VWA5B1: variants seen among roughly 807,000 people sequenced by gnomAD.
The protein encoded by VWA5B1 is von Willebrand factor A domain-containing protein 5B1.
Under a neutral mutation model 118.2 loss-of-function variants are expected in VWA5B1, and 115 were observed. The observed-to-expected ratio is 0.97, with a 90% CI of 0.84 to 1.14. The LOEUF (loss-of-function observed/expected upper bound fraction) is 1.14. Among genes scored for constraint, VWA5B1 ranks in the 50% most tolerant of loss-of-function variants. The pLI is 0.00. For missense variants in VWA5B1, 1,596 were observed against 1,603.8 expected (o/e 1.00, Z 0.08); for synonymous variants, 682 against 658.4 (o/e 1.04, Z -0.55).
Position 20,337,831 on chromosome 1 carries a change from T to G in VWA5B1, c.2128T>G (p.Leu710Val). The G allele has an allele frequency of 6.4e-7, 1 of 1,551,724 alleles. No individual in the cohort carries two copies. Among genetic ancestry groups the G allele is most frequent in the Non-Finnish European group, 8.7e-7 (1 of 1,146,978 alleles). ...SLDVQRWQID[L>V]QPLLNSGQDL... ...GGATGTCCAGCGGTGGCAGATTGAT[T>G]TGCAGGTACCCAAGCAGGACAGATT... is the stretch of plus-strand genomic sequence containing the variant. The change falls in exon 14 of 22, where the codon TTG becomes GTG. Residue 710 changes from leucine to valine, a missense_variant. Coordinates refer to ENST00000289815, the MANE Select transcript of VWA5B1 (RefSeq NM_001039500.3).
At chr1:20,352,966 G>A (rs2101027542) in intron 21 of VWA5B1, among the ~76,000 whole-genome samples, 1 of 152,282 alleles carries the variant, frequency 6.6e-6, no homozygotes, top group South Asian at 2.1e-4. Context: ...AAGGAACCAG[G>A]CAATTCTAAC....
In VWA5B1 at chr1:20,307,369, C is replaced by T. The variant is rs185893360; in HGVS notation, c.-26-3207C>T. ...TCTGGTCCTCATGGTCCCCATCTCT[C>T]ATGGGGATGGCCCTGGGCCCCTCCC... On this transcript the variant is annotated intron_variant, in intron 1 of 21. Coordinates refer to ENST00000289815, the MANE Select transcript of VWA5B1 (RefSeq NM_001039500.3). Among the ~76,000 whole-genome samples the T allele has an allele frequency of 8.7e-4, 132 of 152,318 alleles. 1 individual carries two copies. The South Asian group carries it at 0.013, about 15-fold the overall frequency.
At chr1:20,335,164 A>G (rs1022329847) in intron 12 of VWA5B1, among the ~76,000 whole-genome samples, 1 of 152,158 alleles carries the variant, frequency 6.6e-6, no homozygotes, top group Non-Finnish European at 1.5e-5. Flanking sequence ...AAAATTAAAA[A>G]ATTAGCCAGA....
At chr1:20,332,119 C>T (rs780089104) in intron 11 of VWA5B1, among the ~76,000 whole-genome samples, 12 of 152,162 alleles carry the variant, frequency 7.9e-5, no homozygotes, top group South Asian at 2.1e-4. Context: ...CATGGTTTGG[C>T]GCAAACCTGT....
chr1:20,317,619 C>T lies in VWA5B1; in HGVS notation c.653C>T (p.Pro218Leu). The change falls in exon 5 of 22, where the codon CCC (proline) becomes CTC (leucine). Residue 218 changes from proline (P) to leucine (L), a missense_variant. Pro to Leu is a moderately conservative substitution (Grantham distance 98, BLOSUM62 -3). Transcript: ENST00000289815. ...CTCCTGAACACCGAAGTGTCCAACC[C>T]CATGGAGTATGAGTTCAACTTCCAG... The part of the protein sequence containing the change: ...ATLLNTEVSN[P>L]MEYEFNFQLE... The T allele has an allele frequency of 6.4e-7, 1 of 1,551,868 alleles. No homozygotes were observed. Among genetic ancestry groups the T allele is most frequent in the Admixed American group, 2.0e-5 (1 of 50,976 alleles).
chr1:20,348,115 T>C (rs1216881282), intron 17 of VWA5B1, 130 bp from the exon 18 acceptor site: 5 of 879,918 alleles, frequency 5.7e-6, no homozygotes, highest in Non-Finnish European at 7.1e-6. Context: ...GGTCTTACCC[T>C]GTACAACACC....
Position 20,314,376 on chromosome 1 carries a change from A to G in VWA5B1, c.347A>G (p.Lys116Arg), listed in dbSNP as rs983908950. The G allele has an allele frequency of 5.2e-6, 8 of 1,551,900 alleles. No individual in the cohort carries two copies. The highest frequency in any genetic ancestry group is 7.0e-6 in the Non-Finnish European group (8 of 1,147,062). Reference protein sequence around the residue: ...SIAPHSCTPGKVTLDEDLERI... With the variant: ...SIAPHSCTPGRVTLDEDLERI... ...GCCCCTCATTCCTGCACACCGGGAA[A>G]GGTGACCTTGGACGAGGATTTGGAG... Residue 116 changes from lysine (K) to arginine (R), a missense_variant, in exon 4 of 22, where the codon AAG becomes AGG. Coordinates refer to ENST00000289815, the MANE Select transcript of VWA5B1 (RefSeq NM_001039500.3).
chr1:20,353,668 T>C, intron 21 of VWA5B1, 89 bp from the exon 22 acceptor site: 8 of 1,414,526 alleles, frequency 5.7e-6, no homozygotes, highest in Non-Finnish European at 7.4e-6. Flanking sequence ...CAGGGTGGGG[T>C]GGGCAACATG....
Position 20,310,759 on chromosome 1 carries a change from G to T in VWA5B1, c.139+19G>T. ...TTCCAGGGTAAGGACACCTGCTGGG[G>T]CCTCCCCGGGACCACCCCCTCCTCC... is the stretch of plus-strand genomic sequence containing the variant. On this transcript the variant is annotated intron_variant, in intron 2 of 21. Coordinates refer to ENST00000289815, the MANE Select transcript of VWA5B1 (RefSeq NM_001039500.3). 2.0e-6 allele frequency: 3 copies of T among 1,526,464 alleles called. No homozygotes were observed. Among genetic ancestry groups the T allele is most frequent in the Non-Finnish European group, 2.6e-6 (3 of 1,136,880 alleles). The allele number at this position is 1,526,464 out of a possible 1,614,324, so 94.6% of individuals were successfully genotyped here.
chr1:20,310,833 G>C, intron 2 of VWA5B1, 93 bp downstream of exon 2: 3 of 1,407,580 alleles, frequency 2.1e-6, no homozygotes, highest in Non-Finnish European at 2.8e-6. Context: ...CCTTAGGCAA[G>C]TCATGCCACC....
intron 7 of VWA5B1, 21 bp from the exon 8 acceptor site, chr1:20,323,335 G>A: frequency 7.0e-7 from 1 of 1,434,022 alleles, no homozygotes; most frequent in Non-Finnish European, 9.2e-7. Context: ...TGCCCAATCA[G>A]AGTGTTCTTT....
At chr1:20,295,255 A>G (rs1044361624) in intron 1 of VWA5B1, among the ~76,000 whole-genome samples, 26 of 152,178 alleles carry the variant, frequency 1.7e-4, no homozygotes, top group African/African-American at 5.1e-4. Context: ...AAGAGCACAT[A>G]TTCTAGTCTG....
intron 1 of VWA5B1, among the ~76,000 whole-genome samples, chr1:20,298,110 A>C (rs906538956): frequency 2.0e-5 from 3 of 150,324 alleles, no homozygotes; most frequent in Non-Finnish European, 4.4e-5. Context: ...TCCTGGGCTC[A>C]GGCAATTCTC....
intron 14 of VWA5B1, 132 bp downstream of exon 14, chr1:20,337,968 T>C (rs2089769426): frequency 8.5e-7 from 1 of 1,172,756 alleles, no homozygotes; most frequent in Admixed American, 2.0e-5. Context: ...CCTCTTTCCT[T>C]CCCTAGGCCT....
chr1:20,313,947 T>G (rs998807096), intron 3 of VWA5B1, among the ~76,000 whole-genome samples: 1 of 151,960 alleles, frequency 6.6e-6, no homozygotes, highest in Non-Finnish European at 1.5e-5. Context: ...TAATTAGGGA[T>G]GAAGGAATAG....
chr1:20,310,562 C>A lies in VWA5B1; in HGVS notation c.-26-14C>A. 3 of 1,478,454 alleles carry A rather than the reference C, an allele frequency of 2.0e-6. No homozygotes were observed. The highest frequency in any genetic ancestry group is 2.7e-6 in the Non-Finnish European group (3 of 1,112,436). The allele number at this position is 1,478,454 out of a possible 1,614,324, so 91.6% of individuals were successfully genotyped here. ...GAGCCTCTTCCCACTTCCTGCCCTT[C>A]CTGTGTCTCACAGGTTCTGAAGGCT... On this transcript the variant is annotated splice_polypyrimidine_tract_variant and intron_variant, in intron 1 of 21. Coordinates refer to ENST00000289815, the MANE Select transcript of VWA5B1 (RefSeq NM_001039500.3).
chr1:20,323,524 C>T lies in VWA5B1; in HGVS notation c.1135C>T (p.Arg379Ter), dbSNP rs1419042903. ...SSSMSGISMH[R>*]VKDAMLVALK... Reference sequence around the variant, plus strand: ...CAGCATGAGCGGGATCAGCATGCACCGAGTCAAGGTACCTGCTGAGAGAAC... The same window carrying T: ...CAGCATGAGCGGGATCAGCATGCACTGAGTCAAGGTACCTGCTGAGAGAAC... The change falls in exon 8 of 22, where the codon CGA becomes TGA. Residue 379 changes from arginine to a stop codon, truncating the protein, a stop_gained. Coordinates refer to ENST00000289815, the MANE Select transcript of VWA5B1 (RefSeq NM_001039500.3). LOFTEE classifies it high-confidence loss of function. 7 of 1,466,486 alleles carry T rather than the reference C, an allele frequency of 4.8e-6. No individual in the cohort carries two copies. Among genetic ancestry groups the T allele is most frequent in the East Asian group, 5.5e-5 (2 of 36,268 alleles). The allele number at this position is 1,466,486 out of a possible 1,614,324, so 90.8% of individuals were successfully genotyped here.
At chr1:20,352,266 A>C in intron 21 of VWA5B1, 94 bp downstream of exon 21, 8 of 931,544 alleles carry the variant, frequency 8.6e-6, no homozygotes, top group African/African-American at 1.7e-5. Flanking sequence ...CACTTCCTCA[A>C]AGAGAAGAAG....
At position 20,354,249 on chromosome 1, in the gene VWA5B1, C is replaced by T. The variant is rs765390787; in HGVS notation, c.3634C>T (p.Pro1212Ser). The T allele has an allele frequency of 3.2e-6, 5 of 1,546,596 alleles. No individual in the cohort carries two copies. The highest frequency in any genetic ancestry group is 4.4e-6 in the Non-Finnish European group (5 of 1,144,066). Residue 1212 changes from proline to serine, a missense_variant, in exon 22 of 22, where the codon CCG (proline) becomes TCG (serine). Physicochemically the swap from Pro to Ser is moderately conservative, Grantham distance 74. Coordinates refer to ENST00000289815, the MANE Select transcript of VWA5B1 (RefSeq NM_001039500.3). The stretch of plus-strand genomic sequence containing the variant: ...CGAGTTCAATATGCTCTGCTATAAC[C>T]CGAATTATGTGTAGTTGAGTGACGG... Reference protein sequence around the residue: ...NLEFNMLCYNPNYV With the variant: ...NLEFNMLCYNSNYV
Sources: allele counts gnomAD v4.1 joint callset (sites outside exome capture counted in the v4.1 genomes callset), GRCh38; gene constraint gnomAD v4.1.1; transcripts MANE v1.5; gene names NCBI Gene and HGNC (gene_info 2026-07-23, HGNC 2026-07-21).